Variants in NRXN1 observed in about 807,000 individuals in gnomAD.
NRXN1 encodes neurexin 1.
In NRXN1, 39 loss-of-function variants were observed where a neutral mutation model predicts 150.9. That is an observed-to-expected ratio of 0.26 (90% CI 0.20 to 0.34). The LOEUF is 0.34. Ranked by LOEUF, NRXN1 falls within the 10% of genes least tolerant of loss-of-function variation. The pLI is 1.00. For missense variants in NRXN1, 1,815 were observed against 1,949.9 expected, an observed-to-expected ratio of 0.93 and a Z score of 1.30; for synonymous variants, 924 against 757.0, an observed-to-expected ratio of 1.22 and a Z score of -3.62.
chr2:50,472,439 T>C lies in NRXN1; in HGVS notation c.3103A>G (p.Thr1035Ala), dbSNP rs753262049. 126 of 1,612,076 alleles carry C rather than the reference T, an allele frequency of 7.8e-5. No individual in the cohort carries two copies. The highest frequency in any genetic ancestry group is 1.1e-4 in the Non-Finnish European group (126 of 1,178,754). The change falls in exon 16 of 23, where the codon ACA (threonine) becomes GCA (alanine). Residue 1035 changes from threonine to alanine, a missense_variant. Thr to Ala is a moderately conservative substitution (Grantham distance 58). This residue lies in a region of NRXN1 where 339 missense variants were observed against 440.3 expected (regional missense o/e 0.77). Transcript: ENST00000401669. ...DLYIGGVAKE[T>A]YKSLPKLVHA... ...ACAAGTTTTGGTAAGGATTTGTATG[T>C]TTCTTTAGCTACTCCTCCTATATAT... is the stretch of plus-strand genomic sequence containing the variant.
intron 8 of NRXN1, among the ~76,000 whole-genome samples, chr2:50,565,128 T>A (rs112185385): frequency 6.4e-4 from 98 of 152,250 alleles, no homozygotes; most frequent in African/African-American, 2.2e-3. Context: ...ATTAAATGAA[T>A]GCTAGATCCA....
At chr2:50,579,106 A>G (rs988035377) in intron 8 of NRXN1, among the ~76,000 whole-genome samples, 3 of 152,186 alleles carry the variant, frequency 2.0e-5, no homozygotes, top group Non-Finnish European at 4.4e-5. Context: ...TCCTAATCTT[A>G]ATGTCATAAA....
chr2:51,026,808 A>C (rs1193624765), intron 2 of NRXN1, among the ~76,000 whole-genome samples: 3 of 152,208 alleles, frequency 2.0e-5, no homozygotes, highest in African/African-American at 7.2e-5. Flanking sequence ...TTTTACTTAA[A>C]TTTCACAAAT....
At chr2:50,313,858 C>T (rs534176345) in intron 17 of NRXN1, among the ~76,000 whole-genome samples, 15 of 152,158 alleles carry the variant, frequency 9.9e-5, no homozygotes, top group East Asian at 1.9e-4. Context: ...ACTTTCCACT[C>T]GGCAGACAGA....
intron 5 of NRXN1, among the ~76,000 whole-genome samples, chr2:50,683,646 A>AATATATATATATATATATATAT (rs71225142): frequency 2.7e-4 from 4 of 14,818 alleles, no homozygotes; most frequent in Admixed American, 1.1e-3. Flanking sequence ...AAAAAAAAAA[A>AATATATATATATATATATATAT]ATATATATAT....
rs532205927 is a variant in NRXN1, at chr2:50,307,974, C to T, written c.3365-71004G>A. ...TGACATTCAACTTTTAAAAATTGTA[C>T]GTATTTAATGTGTACAACATGATGT... On this transcript the variant is annotated intron_variant, in intron 17 of 22. Transcript: ENST00000401669. Among the ~76,000 whole-genome samples, 37 of 152,196 alleles carry T rather than the reference C, an allele frequency of 2.4e-4. No individual in the cohort carries two copies. In the South Asian group the frequency reaches 4.2e-3, roughly 17 times the overall value.
At chr2:50,792,272 T>C (rs552332981) in intron 5 of NRXN1, among the ~76,000 whole-genome samples, 9 of 152,112 alleles carry the variant, frequency 5.9e-5, no homozygotes, top group African/African-American at 2.2e-4. Flanking sequence ...TTACCATTAA[T>C]TGAATAATGG....
At chr2:50,631,644 C>G (rs1294389173) in intron 5 of NRXN1, among the ~76,000 whole-genome samples, 1 of 151,954 alleles carries the variant, frequency 6.6e-6, no homozygotes, top group Non-Finnish European at 1.5e-5. Context: ...TGTTCCAAAA[C>G]TCTAGTACGA....
At chr2:51,027,226 C>A (rs1042336231) in intron 2 of NRXN1, among the ~76,000 whole-genome samples, 1 of 152,142 alleles carries the variant, frequency 6.6e-6, no homozygotes, top group African/African-American at 2.4e-5. Flanking sequence ...TAAGAAGAGG[C>A]CATTGTATTT....
At chr2:50,026,118 A>C (rs1688241792) in intron 21 of NRXN1, among the ~76,000 whole-genome samples, 1 of 152,178 alleles carries the variant, frequency 6.6e-6, no homozygotes. Context: ...AAGAAGCAGG[A>C]ATTGCTGATT....
chr2:50,898,662 A>G (rs1682414494), intron 5 of NRXN1: 1 of 418,518 alleles, frequency 2.4e-6, no homozygotes, highest in Non-Finnish European at 4.7e-6. Flanking sequence ...CCACATTTCA[A>G]AAATTTAATT....
chr2:49,949,699 G>T (rs145194092), intron 21 of NRXN1, among the ~76,000 whole-genome samples: 251 of 150,798 alleles, frequency 1.7e-3, no homozygotes, highest in African/African-American at 5.9e-3. Context: ...CTCTAAATAC[G>T]AAGCCAAAAG....
chr2:50,248,281 T>C (rs638259), intron 17 of NRXN1, among the ~76,000 whole-genome samples: 62,378 of 151,638 alleles, frequency 0.41, 12,983 homozygotes, highest in Middle Eastern at 0.46. Context: ...TCTGAAGTGC[T>C]GGGATTCTGG....
chr2:50,886,108 A>C (rs895405543), intron 5 of NRXN1, among the ~76,000 whole-genome samples: 1 of 151,242 alleles, frequency 6.6e-6, no homozygotes, highest in Non-Finnish European at 1.5e-5. Context: ...GCTCCTTTTT[A>C]AGTAGTCTAC....
Position 51,027,536 on chromosome 2 carries a change from C to A in NRXN1, c.738G>T (p.Ser246=). ...VVDDQAVCDC[S]RTGFRGKDCS... is the part of the protein sequence containing the mutation. Reference sequence around the variant, plus strand: ...AGTCCTTGCCGCGGAAGCCGGTTCGCGAGCAGTCGCACACGGCCTGGTCGT... The same window carrying A: ...AGTCCTTGCCGCGGAAGCCGGTTCGAGAGCAGTCGCACACGGCCTGGTCGT... Residue 246 remains serine (S), a synonymous_variant, in exon 2 of 23, where the codon TCG becomes TCT. Transcript: ENST00000401669. 1 of 1,562,690 alleles carries A rather than the reference C, an allele frequency of 6.4e-7. No homozygotes were observed. The highest frequency in any genetic ancestry group is 8.7e-7 in the Non-Finnish European group (1 of 1,149,814).
At chr2:49,936,609 C>G (rs1016062306) in intron 22 of NRXN1, among the ~76,000 whole-genome samples, 11 of 151,904 alleles carry the variant, frequency 7.2e-5, no homozygotes, top group African/African-American at 2.7e-4. Flanking sequence ...CAAATTAGTT[C>G]TATATAATTC....
At chr2:50,363,644 G>T (rs1040560417) in intron 17 of NRXN1, among the ~76,000 whole-genome samples, 1 of 152,184 alleles carries the variant, frequency 6.6e-6, no homozygotes, top group African/African-American at 2.4e-5. Flanking sequence ...CTGTTGGTGG[G>T]AGTATAAATT....
intron 12 of NRXN1, among the ~76,000 whole-genome samples, chr2:50,512,643 A>C (rs2092492828): frequency 6.6e-6 from 1 of 152,162 alleles, no homozygotes; most frequent in African/African-American, 2.4e-5. Context: ...GGATGAAACT[A>C]ATGCCTGGGT....
chr2:50,336,196 AAAC>A (rs758665682), intron 17 of NRXN1, among the ~76,000 whole-genome samples: 3 of 152,216 alleles, frequency 2.0e-5, no homozygotes, highest in African/African-American at 7.2e-5. Flanking sequence ...GCCAGTAAAT[AAAC>A]AACAACAATT....
Sources: allele counts gnomAD v4.1 joint callset (sites outside exome capture counted in the v4.1 genomes callset), GRCh38; gene constraint gnomAD v4.1.1; regional missense constraint gnomAD v4.1.1; transcripts MANE v1.5; gene names NCBI Gene and HGNC (gene_info 2026-07-23, HGNC 2026-07-21).